The following CEP128 variants were observed in gnomAD, a reference collection of about 807,000 sequenced individuals.
CEP128 encodes the protein centrosomal protein 128.
Under a neutral mutation model 156.7 loss-of-function variants are expected in CEP128, and 132 were observed. The ratio of observed to expected loss-of-function variants is 0.84; its 90% CI spans 0.73 to 0.97. The LOEUF is 0.97. CEP128 is among the 50% of genes least tolerant of loss of function. CEP128 has a pLI of 0.00. For synonymous variants in CEP128, 469 were observed against 448.9 expected (o/e 1.04, Z -0.57); for missense variants, 1,252 against 1,281.9 (o/e 0.98, Z 0.36).
At chr14:80,686,886 TCTAA>T in intron 19 of CEP128, among the ~76,000 whole-genome samples, 1 of 152,058 alleles carries the variant, frequency 6.6e-6, no homozygotes, top group Non-Finnish European at 1.5e-5. Context: ...AACAAAAAGA[TCTAA>T]CTAACCTAAA....
intron 13 of CEP128, among the ~76,000 whole-genome samples, chr14:80,797,201 G>A (rs1472073072): frequency 6.6e-6 from 1 of 152,134 alleles, no homozygotes; most frequent in Non-Finnish European, 1.5e-5. Flanking sequence ...AGCAACAACA[G>A]GGAGCACAGG....
At chr14:80,566,825 G>A (rs190477791) in intron 20 of CEP128, among the ~76,000 whole-genome samples, 2 of 148,124 alleles carry the variant, frequency 1.4e-5, no homozygotes, top group Admixed American at 1.4e-4. Context: ...CTACTTCAGC[G>A]TCTAAAATAA....
intron 19 of CEP128, among the ~76,000 whole-genome samples, chr14:80,644,074 T>C (rs754971106): frequency 1.3e-4 from 20 of 151,966 alleles, no homozygotes; most frequent in Admixed American, 6.6e-4. Context: ...AGGAAGAGAA[T>C]AGAGTGCTGC....
chr14:80,686,339 A>AT (rs200042598), intron 19 of CEP128, among the ~76,000 whole-genome samples: 11,323 of 152,114 alleles, frequency 0.074, 585 homozygotes, highest in South Asian at 0.23. Context: ...ACTAAGCTTC[A>AT]TAAGGAGAAA....
At chr14:80,691,811 T>C (rs1896729334) in intron 19 of CEP128, among the ~76,000 whole-genome samples, 1 of 152,212 alleles carries the variant, frequency 6.6e-6, no homozygotes, top group Admixed American at 6.5e-5. Flanking sequence ...TTAAGTATCT[T>C]ATATTTATTA....
At chr14:80,794,809 G>T (rs115332952) in intron 13 of CEP128, among the ~76,000 whole-genome samples, 147 of 152,060 alleles carry the variant, frequency 9.7e-4, no homozygotes, top group African/African-American at 3.4e-3. Context: ...ACCTAAAGGG[G>T]TCTATAGACT....
At chr14:80,822,686 G>A (rs902275208) in intron 13 of CEP128, 24 of 810,868 alleles carry the variant, frequency 3.0e-5, no homozygotes, top group Non-Finnish European at 4.8e-5. Context: ...AGTACCCAAA[G>A]GGAAAAAGGG....
At chr14:80,867,450 G>C (rs900394391) in intron 8 of CEP128, among the ~76,000 whole-genome samples, 4 of 152,078 alleles carry the variant, frequency 2.6e-5, no homozygotes, top group African/African-American at 9.7e-5. Context: ...CAAAACTATG[G>C]GAAAGGACAA....
At chr14:80,759,932 G>A (rs1463334036) in intron 17 of CEP128, among the ~76,000 whole-genome samples, 2 of 133,952 alleles carry the variant, frequency 1.5e-5, no homozygotes, top group East Asian at 2.3e-4. Flanking sequence ...GTGTGTGTGT[G>A]TATACATATA....
intron 23 of CEP128, among the ~76,000 whole-genome samples, chr14:80,508,982 C>T (rs771441731): frequency 1.3e-5 from 2 of 151,980 alleles, no homozygotes; most frequent in South Asian, 2.1e-4. Context: ...ACAATCATGG[C>T]GGAAGGAGAA....
rs138386123 is a variant in CEP128, at chr14:80,491,169, A to G, written c.*11-447T>C. Among the ~76,000 whole-genome samples, 1,009 of 152,326 alleles carry G rather than the reference A, an allele frequency of 6.6e-3. 19 individuals are homozygous for G. Among genetic ancestry groups the G allele is most frequent in the African/African-American group, 0.023 (960 of 41,558 alleles). On this transcript the variant is annotated intron_variant, in intron 6 of 6. Coordinates refer to the CEP128 transcript ENST00000556061. ...AATTAAGAAATGAGCAATGACCACC[A>G]CTGTTAATTTGGAACAGTCAAACTA...
chr14:80,838,414 TCTCA>T (rs1315143292), intron 10 of CEP128, 136 bp from the exon 11 acceptor site: 9 of 611,304 alleles, frequency 1.5e-5, no homozygotes, highest in Non-Finnish European at 2.3e-5. Context: ...AGAATAAATA[TCTCA>T]CTATGAACAT....
chr14:80,736,796 G>C (rs1224822262), intron 19 of CEP128, among the ~76,000 whole-genome samples: 2 of 152,176 alleles, frequency 1.3e-5, no homozygotes, highest in Non-Finnish European at 2.9e-5. Flanking sequence ...CCCATTTACT[G>C]ACTAAAGACA....
chr14:80,601,179 GA>G (rs1392730749), intron 19 of CEP128, among the ~76,000 whole-genome samples: 1 of 151,906 alleles, frequency 6.6e-6, no homozygotes, highest in Non-Finnish European at 1.5e-5. Flanking sequence ...GAAATTGAGG[GA>G]AAAAAAGACA....
chr14:80,867,187 G>A (rs1476521438), intron 8 of CEP128, among the ~76,000 whole-genome samples: 1 of 152,108 alleles, frequency 6.6e-6, no homozygotes, highest in Non-Finnish European at 1.5e-5. Flanking sequence ...AGCACTATCA[G>A]GTTACTGAGA....
intron 5 of CEP128, chr14:80,905,703 T>C (rs61981269): frequency 3.1e-6 from 1 of 319,044 alleles, no homozygotes; most frequent in African/African-American, 2.2e-5. Context: ...CAGCAGACAA[T>C]TAAATCTAAG....
chr14:80,692,000 A>G (rs761474652), intron 19 of CEP128, among the ~76,000 whole-genome samples: 1 of 152,200 alleles, frequency 6.6e-6, no homozygotes, highest in Non-Finnish European at 1.5e-5. Context: ...GCACACGGAC[A>G]GGCTGGATGC....
chr14:80,637,589 C>T (rs550426760), intron 19 of CEP128, among the ~76,000 whole-genome samples: 2 of 152,286 alleles, frequency 1.3e-5, no homozygotes, highest in African/African-American at 2.4e-5. Flanking sequence ...AGAACTCTTA[C>T]ATTTTTATCA....
At chr14:80,946,321 A>G (rs370882190), upstream of CEP128, among the ~76,000 whole-genome samples, 27 of 66,224 alleles carry the variant, frequency 4.1e-4, no homozygotes, top group Middle Eastern at 8.8e-3. Flanking sequence ...ATGCCTCATG[A>G]TGCATCATGA....
Sources: gnomAD v4.1 joint callset for allele counts (sites outside exome capture counted in the v4.1 genomes callset) on GRCh38, gnomAD v4.1.1 for gene constraint, MANE v1.5 for transcripts, NCBI Gene and HGNC (gene_info 2026-07-23, HGNC 2026-07-21) for gene names.